The following PDE4D variants were observed in gnomAD, a reference collection of about 807,000 sequenced individuals.
The protein encoded by PDE4D is phosphodiesterase 4D.
PDE4D carries 24 observed loss-of-function variants against 87.4 expected under a neutral mutation model. The ratio of observed to expected loss-of-function variants is 0.27; its 90% CI spans 0.20 to 0.39. The LOEUF (loss-of-function observed/expected upper bound fraction) is 0.39, where lower values mean the gene tolerates loss of function less well. PDE4D is among the 10% of genes least tolerant of loss of function. PDE4D has a pLI of 1.00. For synonymous variants in PDE4D, 384 were observed against 383.2 expected (o/e 1.00, Z -0.02); for missense variants, 714 against 1,041.0 (o/e 0.69, Z 4.32).
intron 2 of PDE4D, among the ~76,000 whole-genome samples, chr5:60,102,616 AC>A (rs1562094655): frequency 6.6e-6 from 1 of 152,194 alleles, no homozygotes; most frequent in Non-Finnish European, 1.5e-5. Flanking sequence ...TTCAATAGTA[AC>A]ATTATTCACA....
At chr5:59,690,277 A>G (rs1750681765) in intron 1 of PDE4D, among the ~76,000 whole-genome samples, 1 of 152,240 alleles carries the variant, frequency 6.6e-6, no homozygotes, top group South Asian at 2.1e-4. Context: ...CCTAAGCCAA[A>G]AGAACAAAGC....
intron 1 of PDE4D, among the ~76,000 whole-genome samples, chr5:59,315,263 C>T (rs1473922844): frequency 1.3e-5 from 2 of 152,142 alleles, no homozygotes; most frequent in Non-Finnish European, 2.9e-5. Flanking sequence ...TACCTCCCTA[C>T]CCAAATGTGA....
chr5:59,390,024 C>T (rs403687), intron 1 of PDE4D, among the ~76,000 whole-genome samples: 100,849 of 151,908 alleles, frequency 0.66, 34,210 homozygotes, highest in African/African-American at 0.78. Context: ...AAATAATAAT[C>T]GTTTGAGGTG....
intron 1 of PDE4D, among the ~76,000 whole-genome samples, chr5:59,643,673 C>T (rs1271598234): frequency 1.3e-5 from 2 of 152,148 alleles, no homozygotes; most frequent in African/African-American, 4.8e-5. Flanking sequence ...TGTGTAAGCA[C>T]GGTACAATTA....
intron 1 of PDE4D, among the ~76,000 whole-genome samples, chr5:59,408,946 A>G (rs1200495760): frequency 1.3e-5 from 2 of 152,120 alleles, no homozygotes; most frequent in African/African-American, 2.4e-5. Flanking sequence ...CAGGAGTTCA[A>G]GACAAGCCTG....
intron 2 of PDE4D, among the ~76,000 whole-genome samples, chr5:60,161,156 A>G (rs987894409): frequency 1.3e-5 from 2 of 152,158 alleles, no homozygotes; most frequent in Non-Finnish European, 2.9e-5. Context: ...AATAACTCTC[A>G]TGGCTCCTTT....
chr5:60,515,367 T>C (rs1426704195), intron 1 of PDE4D, among the ~76,000 whole-genome samples: 2 of 152,156 alleles, frequency 1.3e-5, no homozygotes, highest in South Asian at 2.1e-4. Flanking sequence ...GTCATTATAA[T>C]AAATAGTCTT....
At chr5:59,112,385 T>C (rs1466047709) in intron 5 of PDE4D, among the ~76,000 whole-genome samples, 1 of 152,196 alleles carries the variant, frequency 6.6e-6, no homozygotes, top group Non-Finnish European at 1.5e-5. Context: ...TGCAAGGTTA[T>C]GAGCAGAGGA....
At chr5:59,736,964 A>G (rs1206465114) in intron 1 of PDE4D, among the ~76,000 whole-genome samples, 5 of 152,234 alleles carry the variant, frequency 3.3e-5, no homozygotes, top group Admixed American at 2.0e-4. Context: ...TCAGAAAATT[A>G]CCTGTTAACA....
At chr5:60,252,024 C>T (rs1183650663) in intron 1 of PDE4D, among the ~76,000 whole-genome samples, 2 of 151,858 alleles carry the variant, frequency 1.3e-5, no homozygotes, top group Admixed American at 1.3e-4. Context: ...GTTACAATTG[C>T]CCACAGTGTT....
chr5:60,304,383 C>T (rs1754243906), intron 1 of PDE4D, among the ~76,000 whole-genome samples: 1 of 148,442 alleles, frequency 6.7e-6, no homozygotes, highest in African/African-American at 2.4e-5. Flanking sequence ...CGGTGGCTCA[C>T]GCCTGTAATC....
intron 2 of PDE4D, among the ~76,000 whole-genome samples, chr5:60,101,923 A>C (rs1582655083): frequency 6.6e-6 from 1 of 152,266 alleles, no homozygotes; most frequent in Admixed American, 6.5e-5. Context: ...GCTGCCACGA[A>C]CACTGAAAGC....
intron 1 of PDE4D, among the ~76,000 whole-genome samples, chr5:59,363,056 A>C (rs1782479644): frequency 6.6e-6 from 1 of 152,142 alleles, no homozygotes; most frequent in Admixed American, 6.6e-5. Context: ...ACATCACCAT[A>C]ATGTCGGGTT....
At chr5:60,301,638 T>C (rs1395161550) in intron 1 of PDE4D, among the ~76,000 whole-genome samples, 1 of 152,210 alleles carries the variant, frequency 6.6e-6, no homozygotes, top group Non-Finnish European at 1.5e-5. Flanking sequence ...TATAGGATCA[T>C]ATCATCTGCA....
At chr5:59,611,112 A>G (rs1828943066) in intron 1 of PDE4D, among the ~76,000 whole-genome samples, 1 of 152,134 alleles carries the variant, frequency 6.6e-6, no homozygotes, top group South Asian at 2.1e-4. Flanking sequence ...AAAATACCTG[A>G]GTAGATTAGA....
At chr5:59,677,826 C>G (rs1748359260) in intron 1 of PDE4D, among the ~76,000 whole-genome samples, 2 of 152,152 alleles carry the variant, frequency 1.3e-5, no homozygotes, top group South Asian at 4.1e-4. Flanking sequence ...TAGGTGTGAC[C>G]CATCCAAGAG....
At chr5:59,514,331 T>G (rs1374522339) in intron 1 of PDE4D, among the ~76,000 whole-genome samples, 2 of 152,062 alleles carry the variant, frequency 1.3e-5, no homozygotes, top group African/African-American at 2.4e-5. Context: ...GGTCTCGATC[T>G]CCTGATTTTG....
chr5:59,303,402 C>G (rs771915274), intron 1 of PDE4D, among the ~76,000 whole-genome samples: 12 of 152,074 alleles, frequency 7.9e-5, no homozygotes, highest in Non-Finnish European at 1.5e-4. Flanking sequence ...TAATGAGGTC[C>G]CAGCTATTTA....
chr5:60,280,034 C>T (rs536137325), intron 1 of PDE4D, among the ~76,000 whole-genome samples: 2 of 151,968 alleles, frequency 1.3e-5, no homozygotes, highest in African/African-American at 4.8e-5. Flanking sequence ...AAAAAGAAAA[C>T]CCAGGGCACT....
Sources: gnomAD v4.1 joint callset for allele counts (sites outside exome capture counted in the v4.1 genomes callset) on GRCh38, gnomAD v4.1.1 for gene constraint, MANE v1.5 for transcripts, NCBI Gene and HGNC (gene_info 2026-07-23, HGNC 2026-07-21) for gene names.